Variants in AFP observed in about 807,000 individuals in gnomAD.
AFP encodes alpha-fetoprotein.
A neutral mutation model predicts 78.9 loss-of-function variants in AFP; 64 were observed. The observed-to-expected ratio is 0.81, with a 90% confidence interval of 0.66 to 1.00. The LOEUF (loss-of-function observed/expected upper bound fraction) is 1.00. Ranked by LOEUF, AFP falls within the 50% of genes least tolerant of loss-of-function variation. AFP has a pLI of 0.00. For missense variants in AFP, 689 were observed against 703.8 expected (o/e 0.98, Z 0.24); for synonymous variants, 254 against 243.8 (o/e 1.04, Z -0.39).
In AFP at chr4:73,450,045, T is replaced by C. The variant is rs1424287693; in HGVS notation, c.1201T>C (p.Leu401=). 6.2e-7 allele frequency: 1 copy of C among 1,612,578 alleles called. No individual in the cohort carries two copies. Reference sequence around the variant, plus strand: ...AATTCTTCATTTTCAGGAAGAAGAATTACAGAAATACATCCAGGAGAGCCA... The same window carrying C: ...AATTCTTCATTTTCAGGAAGAAGAACTACAGAAATACATCCAGGAGAGCCA... ...LECQDKGEEE[L]QKYIQESQAL... is the part of the protein sequence containing the mutation. Residue 401 remains leucine (L), a synonymous_variant, in exon 10 of 15, where the codon TTA becomes CTA. Coordinates refer to ENST00000395792, the MANE Select transcript of AFP (RefSeq NM_001134.3).
intron 12 of AFP, among the ~76,000 whole-genome samples, chr4:73,453,150 C>T (rs1446031249): frequency 2.6e-5 from 4 of 152,160 alleles, no homozygotes; most frequent in Non-Finnish European, 5.9e-5. Context: ...TCTTCAAACT[C>T]CCATGCATTT....
Position 73,452,450 on chromosome 4 carries a change from T to TA in AFP, c.1481dup (p.Asn494LysfsTer26). 1 of 1,614,120 alleles carries TA rather than the reference T, an allele frequency of 6.2e-7. No individual in the cohort carries two copies. The highest frequency in any genetic ancestry group is 8.5e-7 in the Non-Finnish European group (1 of 1,179,980). ...TGTATCAGACATGAAATGACTCCAGTAAACCCTGGTGTTGGCCAGTGCTGC... is the reference window on the plus strand; with the variant it reads ...TGTATCAGACATGAAATGACTCCAGTAAAACCCTGGTGTTGGCCAGTGCTGC... On this transcript the variant is annotated frameshift_variant, in exon 12 of 15. Coordinates refer to ENST00000395792, the MANE Select transcript of AFP (RefSeq NM_001134.3). LOFTEE classifies it high-confidence loss of function.
intron 3 of AFP, 115 bp downstream of exon 3, chr4:73,438,421 A>G: frequency 8.3e-7 from 1 of 1,200,228 alleles, no homozygotes; most frequent in Non-Finnish European, 1.2e-6. Context: ...GAGCTATTGT[A>G]TGAAAGAGGG....
chr4:73,444,978 C>G lies in AFP; in HGVS notation c.714-15C>G, dbSNP rs1016695149. ...TAACCAAGAAATTAATTTCTAATTTCTTTTTTTTCCCTAGAACTGTTACTA... is the reference window on the plus strand; with the variant it reads ...TAACCAAGAAATTAATTTCTAATTTGTTTTTTTTCCCTAGAACTGTTACTA... On this transcript the variant is annotated splice_polypyrimidine_tract_variant and intron_variant, in intron 6 of 14. Transcript: ENST00000395792. The G allele has an allele frequency of 1.4e-5, 23 of 1,590,954 alleles. No homozygotes were observed. The Middle Eastern group carries it at 6.6e-4, about 46-fold the overall frequency.
At chr4:73,453,215 C>T (rs556770483) in intron 12 of AFP, among the ~76,000 whole-genome samples, 6 of 152,182 alleles carry the variant, frequency 3.9e-5, no homozygotes, top group Non-Finnish European at 7.3e-5. Flanking sequence ...CCATTCTTCT[C>T]TTTTTTCCTC....
chr4:73,436,346 A>G lies in AFP; in HGVS notation c.84A>G (p.Ile28Met). 2 of 1,558,138 alleles carry G rather than the reference A, an allele frequency of 1.3e-6. No individual in the cohort carries two copies. The highest frequency in any genetic ancestry group is 2.4e-5 in the South Asian group (2 of 84,052). ...SRTLHRNEYG[I>M]ASILDSYQCT... ...CACTGCATAGAAATGAATATGGAAT[A>G]GGTGAGATATTTTGTGTTTTTCTTG... The change falls in exon 1 of 15, where the codon ATA becomes ATG. Residue 28 changes from isoleucine (I) to methionine (M), a missense_variant and splice_region_variant. Coordinates refer to ENST00000395792, the MANE Select transcript of AFP (RefSeq NM_001134.3).
In AFP at chr4:73,453,465, G is replaced by A. The variant is rs1428586503; in HGVS notation, c.1653-300G>A. On this transcript the variant is annotated intron_variant, in intron 12 of 14. Coordinates refer to ENST00000395792, the MANE Select transcript of AFP (RefSeq NM_001134.3). ...TAGATAAGACACAGTTAAGAAGAGC[G>A]GACAGGAAAGGATATTCCTGGGGGA... 13 of 347,220 alleles carry A rather than the reference G, an allele frequency of 3.7e-5. No homozygotes were observed. The East Asian group carries it at 8.0e-4, about 21-fold the overall frequency. The allele number at this position is 347,220 out of a possible 1,614,324, so 21.5% of individuals were successfully genotyped here.
At chr4:73,444,039 C>G (rs879681667) in intron 6 of AFP, among the ~76,000 whole-genome samples, 2 of 151,944 alleles carry the variant, frequency 1.3e-5, no homozygotes, top group African/African-American at 4.8e-5. Context: ...AGCTGCTAAT[C>G]GAATAGTAGT....
intron 3 of AFP, among the ~76,000 whole-genome samples, chr4:73,438,614 G>T (rs1470792415): frequency 6.6e-6 from 1 of 152,066 alleles, no homozygotes; most frequent in Non-Finnish European, 1.5e-5. Context: ...GATGATAATA[G>T]CTCCCATTTC....
At chr4:73,454,704 A>G (rs1720108403) in intron 13 of AFP, among the ~76,000 whole-genome samples, 1 of 152,168 alleles carries the variant, frequency 6.6e-6, no homozygotes, top group Non-Finnish European at 1.5e-5. Flanking sequence ...TTAGAAATGT[A>G]GAGTTTTTCT....
In AFP at chr4:73,441,702, A is replaced by T. The variant is rs556684742; in HGVS notation, c.483-594A>T. On this transcript the variant is annotated intron_variant, in intron 4 of 14. Coordinates refer to ENST00000395792, the MANE Select transcript of AFP (RefSeq NM_001134.3). Reference sequence around the variant, plus strand: ...TCTTCTTCTTTCCCCCATTTTGTTGATAGGAAATTGAAGGTTGGAAGGCTA... The same window carrying T: ...TCTTCTTCTTTCCCCCATTTTGTTGTTAGGAAATTGAAGGTTGGAAGGCTA... Among the ~76,000 whole-genome samples, 3 of 151,696 alleles carry T rather than the reference A, an allele frequency of 2.0e-5. 1 individual carries two copies. Among genetic ancestry groups the T allele is most frequent in the African/African-American group, 7.3e-5 (3 of 41,346 alleles).
chr4:73,447,657 A>C lies in AFP; in HGVS notation c.1039A>C (p.Lys347Gln), dbSNP rs1014103360. The change falls in exon 8 of 15, where the codon AAA becomes CAA. Residue 347 changes from lysine (K) to glutamine (Q), a missense_variant. By Grantham distance (53) the Lys-to-Gln change is moderately conservative. Transcript: ENST00000395792. ...RDFNQFSSGE[K>Q]NIFLASFVHE... ...TTTTAACCAATTTTCTTCAGGGGAA[A>C]AAAATATCTTCTTGGCAAGGTAACA... 6 of 1,610,812 alleles carry C rather than the reference A, an allele frequency of 3.7e-6. No homozygotes were observed. In the Middle Eastern group the frequency reaches 6.7e-4, roughly 181 times the overall value.
At chr4:73,440,566 A>T (rs1719628140) in intron 3 of AFP, 36 bp from the exon 4 acceptor site, 3 of 1,523,210 alleles carry the variant, frequency 2.0e-6, no homozygotes, top group Non-Finnish European at 2.7e-6. Flanking sequence ...AAGCAAAGTT[A>T]GTTGTCTTTC....
chr4:73,453,725 A>G (rs1332279035), intron 12 of AFP, 40 bp from the exon 13 acceptor site: 2 of 1,607,782 alleles, frequency 1.2e-6, no homozygotes, highest in Non-Finnish European at 1.7e-6. Flanking sequence ...AGCATTGCAT[A>G]ACAGACTTCT....
At position 73,450,655 on chromosome 4, in the gene AFP, T is replaced by A; in HGVS notation, c.1330T>A (p.Ser444Thr). 1 of 1,614,138 alleles carries A rather than the reference T, an allele frequency of 6.2e-7. No homozygotes were observed. Among genetic ancestry groups the A allele is most frequent in the Non-Finnish European group, 8.5e-7 (1 of 1,180,012 alleles). The change falls in exon 11 of 15, where the codon TCG becomes ACG. Residue 444 changes from serine (S) to threonine (T), a missense_variant. Ser to Thr is a moderately conservative substitution (Grantham distance 58, BLOSUM62 1). Transcript: ENST00000395792. ...CACAAAGAAAGCCCCCCAGCTGACCTCGTCGGAGCTGATGGCCATCACCAG... is the reference window on the plus strand; with the variant it reads ...CACAAAGAAAGCCCCCCAGCTGACCACGTCGGAGCTGATGGCCATCACCAG... ...AYTKKAPQLT[S>T]SELMAITRKM...
intron 9 of AFP, 46 bp downstream of exon 9, chr4:73,449,513 T>C (rs1197771991): frequency 2.1e-5 from 34 of 1,605,950 alleles, no homozygotes; most frequent in Non-Finnish European, 2.8e-5. Context: ...ACTGGATTGA[T>C]ATCATCTGTT....
intron 6 of AFP, among the ~76,000 whole-genome samples, chr4:73,443,768 G>A (rs1034617304): frequency 2.6e-5 from 4 of 152,078 alleles, no homozygotes; most frequent in Non-Finnish European, 5.9e-5. Context: ...TATTTTTCTA[G>A]CTCTTCTACA....
In AFP at chr4:73,455,615, T is replaced by C. The variant is rs1323683408; in HGVS notation, c.*11-16T>C. On this transcript the variant is annotated splice_polypyrimidine_tract_variant and intron_variant, in intron 14 of 14. Transcript: ENST00000395792. Reference sequence around the variant, plus strand: ...TAGTTTAATTAGTATTTAATATATTTTTGCTCATATTGCAGGGGAAGAGAA... The same window carrying C: ...TAGTTTAATTAGTATTTAATATATTCTTGCTCATATTGCAGGGGAAGAGAA... 1.5e-6 allele frequency: 1 copy of C among 688,910 alleles called. No individual in the cohort carries two copies. The highest frequency in any genetic ancestry group is 2.6e-6 in the Non-Finnish European group (1 of 381,672). 42.7% of individuals were successfully genotyped at this position (688,910 alleles called of 1,614,324 possible).
At chr4:73,452,377 T>A in intron 11 of AFP, 24 bp from the exon 12 acceptor site, 1 of 1,606,980 alleles carries the variant, frequency 6.2e-7, no homozygotes, top group Non-Finnish European at 8.5e-7. Flanking sequence ...TCTCCTTACT[T>A]TTTTTTCTCA....
Sources: gnomAD v4.1 joint callset for allele counts (sites outside exome capture counted in the v4.1 genomes callset) on GRCh38, gnomAD v4.1.1 for gene constraint, MANE v1.5 for transcripts, NCBI Gene and HGNC (gene_info 2026-07-23, HGNC 2026-07-21) for gene names.